Variants in SLC45A1 observed in about 807,000 individuals in gnomAD.
SLC45A1 encodes the protein solute carrier family 45 member 1, also known as proton-associated sugar transporter A.
Under a neutral mutation model 57.6 loss-of-function variants are expected in SLC45A1, and 28 were observed. The observed-to-expected ratio is 0.49, with a 90% CI of 0.36 to 0.67. The LOEUF (loss-of-function observed/expected upper bound fraction) is 0.67. Among genes scored for constraint, SLC45A1 ranks in the 30% least tolerant of loss-of-function variants. The probability of loss-of-function intolerance (pLI) is 0.00; values close to 1 mark genes in which losing one functional copy is unlikely to be tolerated. For synonymous variants in SLC45A1, 459 were observed against 471.5 expected (o/e 0.97, Z 0.34); for missense variants, 814 against 1,041.5 (o/e 0.78, Z 3.01).
chr1:8,341,203 A>AAAAAAGATAGTAATACTTTG (rs1640800322), intron 8 of SLC45A1, among the ~76,000 whole-genome samples: 1 of 149,826 alleles, frequency 6.7e-6, no homozygotes, highest in South Asian at 2.1e-4. Context: ...CCGTTTCAAA[A>AAAAAAGATAGTAATACTTTG]AAAAAAAAAA....
chr1:8,324,792 GCCTGAGGGT>G (rs1640146651), intron 2 of SLC45A1, 66 bp downstream of exon 2: 1 of 1,419,654 alleles, frequency 7.0e-7, no homozygotes, highest in African/African-American at 1.4e-5. Flanking sequence ...CATCGCAGTA[GCCTGAGGGT>G]CCTGAGGGGA....
chr1:8,320,658 T>C (rs945116353), intron 1 of SLC45A1, among the ~76,000 whole-genome samples: 13 of 135,390 alleles, frequency 9.6e-5, no homozygotes, highest in Non-Finnish European at 2.0e-4. Flanking sequence ...TGTCTGTCTG[T>C]CTCTCTCTCT....
intron 4 of SLC45A1, among the ~76,000 whole-genome samples, chr1:8,329,279 G>A (rs992679720): frequency 6.6e-6 from 1 of 152,160 alleles, no homozygotes; most frequent in African/African-American, 2.4e-5. Flanking sequence ...CAAAAATCCC[G>A]TGCTGGTAGC....
At chr1:8,341,982 T>C (rs528383999) in intron 8 of SLC45A1, among the ~76,000 whole-genome samples, 89 of 151,430 alleles carry the variant, frequency 5.9e-4, no homozygotes, top group African/African-American at 1.9e-3. Context: ...CCAAGGAGGG[T>C]GGATCACGAG....
intron 1 of SLC45A1, among the ~76,000 whole-genome samples, chr1:8,322,019 ATGGATGGATGGGTGAG>A (rs1640026684): frequency 8.3e-5 from 3 of 36,050 alleles, no homozygotes; most frequent in Admixed American, 3.7e-4. Flanking sequence ...GGATGGATGG[ATGGATGGATGGGTGAG>A]TGGGTGGGTG....
At chr1:8,342,908 A>AAG (rs1401617332) in intron 8 of SLC45A1, among the ~76,000 whole-genome samples, 3 of 151,404 alleles carry the variant, frequency 2.0e-5, no homozygotes, top group Admixed American at 6.6e-5. Flanking sequence ...CAAAAAAAAA[A>AAG]AAAAGAAAAG....
rs975609182 is a variant in SLC45A1, at chr1:8,335,976, A to G, written c.1597+386A>G. On this transcript the variant is annotated intron_variant, in intron 6 of 8. Transcript: ENST00000471889. This position sits in a 1 kb window ranked among gnomAD's most constrained non-coding sequence, Gnocchi z 4.1. ...TGTCTTGCTCTGTCTTCAAGCACAG[A>G]CCCCACACCTGCCTGCCCGTGTCTA... is the stretch of plus-strand genomic sequence containing the variant. The G allele has an allele frequency of 1.4e-5, 3 of 213,656 alleles. No individual in the cohort carries two copies. The highest frequency in any genetic ancestry group is 2.8e-5 in the Non-Finnish European group (3 of 108,950). 13.2% of individuals were successfully genotyped at this position (213,656 alleles called of 1,614,324 possible). A position where few individuals can be genotyped will look rare whatever the true frequency, so the allele number is the denominator to read the frequency against.
At position 8,343,742 on chromosome 1, in the gene SLC45A1, G is replaced by A. The variant is rs761981185; in HGVS notation, c.1981-5G>A. 1 of 1,601,812 alleles carries A rather than the reference G, an allele frequency of 6.2e-7. No individual in the cohort carries two copies. The highest frequency in any genetic ancestry group is 1.1e-5 in the South Asian group (1 of 90,880). ...CTCGCTGACACGTTTCTTCCTCTGG[G>A]TCAGTTTGCAGGGTCCAGTGCGGAC... On this transcript the variant is annotated splice_polypyrimidine_tract_variant and splice_region_variant and intron_variant, in intron 8 of 8. Transcript: ENST00000471889. This position sits in a 1 kb window ranked among gnomAD's most constrained non-coding sequence, Gnocchi z 7.7.
At chr1:8,322,164 TGGA>T (rs1640039956) in intron 1 of SLC45A1, among the ~76,000 whole-genome samples, 1 of 123,844 alleles carries the variant, frequency 8.1e-6, no homozygotes, top group East Asian at 2.3e-4. Context: ...CATAGTTACA[TGGA>T]TGGATGGGTG....
Position 8,330,502 on chromosome 1 carries a change from C to G in SLC45A1, c.1009C>G (p.Pro337Ala), listed in dbSNP as rs767894742. ...GCACACGGCCACCAACTTCTCCAGC[C>G]CCATCTCGCCGCCCAGCCCCCTCAC... Reference protein sequence around the residue: ...PSHTATNFSSPISPPSPLTPK... With the variant: ...PSHTATNFSSAISPPSPLTPK... Residue 337 changes from proline (P) to alanine (A), a missense_variant, in exon 5 of 9, where the codon CCC becomes GCC. Physicochemically the swap from Pro to Ala is conservative, Grantham distance 27. Coordinates refer to ENST00000471889, the MANE Select transcript of SLC45A1 (RefSeq NM_001080397.3). The surrounding 1 kb of genome is among the most constrained non-coding windows in gnomAD (Gnocchi z 8.4). 10 of 1,613,044 alleles carry G rather than the reference C, an allele frequency of 6.2e-6. No homozygotes were observed. The South Asian group carries it at 1.1e-4, about 18-fold the overall frequency.
At position 8,327,533 on chromosome 1, in the gene SLC45A1, G is replaced by T. The variant is rs1416108885; in HGVS notation, c.715+1491G>T. ...CTGTATAAAAATCAATACTGGTTGG[G>T]TGCAGTGGCTCAGGCCTACTCTCAA... On this transcript the variant is annotated intron_variant, in intron 4 of 8. Coordinates refer to ENST00000471889, the MANE Select transcript of SLC45A1 (RefSeq NM_001080397.3). This position sits in a 1 kb window ranked among gnomAD's most constrained non-coding sequence, Gnocchi z 4.3. 6.6e-6 allele frequency among the ~76,000 whole-genome samples: 1 copy of T among 152,158 alleles called. No individual in the cohort carries two copies. The highest frequency in any genetic ancestry group is 1.5e-5 in the Non-Finnish European group (1 of 68,032).
At chr1:8,324,856 G>C in intron 2 of SLC45A1, 130 bp downstream of exon 2, 1 of 896,754 alleles carries the variant, frequency 1.1e-6, no homozygotes, top group Non-Finnish European at 1.6e-6. Flanking sequence ...GTCTGGGACT[G>C]TGGGGAACAC....
intron 8 of SLC45A1, among the ~76,000 whole-genome samples, chr1:8,341,518 G>GTGGCTATGTAAATAAATAAAT (rs1640816361): frequency 3.5e-5 from 5 of 142,884 alleles, no homozygotes; most frequent in African/African-American, 1.1e-4. Flanking sequence ...CTGGGCGACA[G>GTGGCTATGTAAATAAATAAAT]AGCGAGACTC....
chr1:8,334,028 T>C (rs1270792057), intron 5 of SLC45A1, among the ~76,000 whole-genome samples: 1 of 152,222 alleles, frequency 6.6e-6, no homozygotes, highest in Non-Finnish European at 1.5e-5. Flanking sequence ...GTCAGCCTCA[T>C]TGTGGATGAT....
chr1:8,341,046 G>A (rs914804789), intron 8 of SLC45A1, among the ~76,000 whole-genome samples: 6 of 151,726 alleles, frequency 4.0e-5, no homozygotes, highest in Non-Finnish European at 7.4e-5. Context: ...CAAAAGATTA[G>A]CTGGGCATGG....
chr1:8,340,080 G>C (rs1640762939), intron 8 of SLC45A1, among the ~76,000 whole-genome samples: 1 of 152,158 alleles, frequency 6.6e-6, no homozygotes. Context: ...CAGCAATCCA[G>C]ATCGATAACA....
intron 1 of SLC45A1, 130 bp from the exon 2 acceptor site, chr1:8,324,176 A>G: frequency 1.2e-6 from 1 of 845,720 alleles, no homozygotes; most frequent in Non-Finnish European, 1.8e-6. Context: ...CCGGAGCATC[A>G]ACCATGAGCA....
intron 4 of SLC45A1, among the ~76,000 whole-genome samples, chr1:8,329,046 C>T (rs78686969): frequency 0.021 from 3,233 of 151,906 alleles, 128 homozygotes; most frequent in African/African-American, 0.074. Flanking sequence ...AGAGAAGGGA[C>T]GGGACTGGAG....
chr1:8,343,680 CACCG>C lies in SLC45A1; in HGVS notation c.1981-65_1981-62del. 1 of 1,548,890 alleles carries C rather than the reference CACCG, an allele frequency of 6.5e-7. No homozygotes were observed. Among genetic ancestry groups the C allele is most frequent in the Non-Finnish European group, 8.7e-7 (1 of 1,144,020 alleles). On this transcript the variant is annotated intron_variant, in intron 8 of 8. Transcript: ENST00000471889. The surrounding 1 kb of genome is among the most constrained non-coding windows in gnomAD (Gnocchi z 7.7). ...TCGGGCCTCCTGGGCTCGCAGGACACACCGAGCTCGGTCACCCCGTGCTGGCCGC... is the reference window on the plus strand; with the variant it reads ...TCGGGCCTCCTGGGCTCGCAGGACACAGCTCGGTCACCCCGTGCTGGCCGC...
Sources: allele counts gnomAD v4.1 joint callset (sites outside exome capture counted in the v4.1 genomes callset), GRCh38; gene constraint gnomAD v4.1.1; non-coding constraint Gnocchi (gnomAD v3.1); transcripts MANE v1.5; gene names NCBI Gene and HGNC (gene_info 2026-07-23, HGNC 2026-07-21).